Variants in TNFSF4 observed in about 807,000 individuals in gnomAD.
The protein encoded by TNFSF4 is tumor necrosis factor ligand superfamily member 4.
A neutral mutation model predicts 7.3 loss-of-function variants in TNFSF4; 4 were observed. The observed-to-expected ratio is 0.55, with a 90% CI of 0.27 to 1.25. The LOEUF (loss-of-function observed/expected upper bound fraction) is 1.25, where lower values mean the gene tolerates loss of function less well. TNFSF4 is among the 50% of genes most tolerant of loss of function. The pLI, the probability that TNFSF4 is intolerant of heterozygous loss-of-function variation, is 0.12. For missense variants in TNFSF4, 181 were observed against 208.8 expected (o/e 0.87, Z 0.82); for synonymous variants, 76 against 83.7 (o/e 0.91, Z 0.50).
the TNFSF4 span, among the ~76,000 whole-genome samples, chr1:173,394,991 G>C: frequency 4.2e-3 from 415 of 99,458 alleles, no homozygotes; most frequent in African/African-American, 0.019. Flanking sequence ...AGGACACATA[G>C]ATAGATAGAT....
At chr1:173,192,322 C>T (rs146849515) in intron 1 of TNFSF4, among the ~76,000 whole-genome samples, 1 of 152,270 alleles carries the variant, frequency 6.6e-6, no homozygotes, top group African/African-American at 2.4e-5. Context: ...CCAAAACGTC[C>T]TTCAGTAGGT....
At chr1:173,231,279 G>A in the TNFSF4 span, among the ~76,000 whole-genome samples, 3 of 152,190 alleles carry the variant, frequency 2.0e-5, no homozygotes, top group Admixed American at 1.3e-4. Flanking sequence ...TGGGATGCAA[G>A]GCTGGTTCAA....
the TNFSF4 span, among the ~76,000 whole-genome samples, chr1:173,289,638 AT>A: frequency 6.6e-6 from 1 of 152,190 alleles, no homozygotes; most frequent in Non-Finnish European, 1.5e-5. Context: ...TTAACAAACA[AT>A]AAGCTCAAGT....
chr1:173,361,668 T>C, the TNFSF4 span, among the ~76,000 whole-genome samples: 1 of 152,264 alleles, frequency 6.6e-6, no homozygotes, highest in East Asian at 1.9e-4. Flanking sequence ...AACAAAAGTT[T>C]TCATTGTTAA....
the TNFSF4 span, among the ~76,000 whole-genome samples, chr1:173,276,933 G>A: frequency 1.3e-5 from 2 of 152,038 alleles, no homozygotes; most frequent in Admixed American, 6.6e-5. Context: ...TTTCATTTCC[G>A]AGGGCAGTAT....
At chr1:173,267,488 G>GTAAT in the TNFSF4 span, among the ~76,000 whole-genome samples, 2 of 152,164 alleles carry the variant, frequency 1.3e-5, no homozygotes, top group Non-Finnish European at 2.9e-5. Context: ...ATGTGTGATA[G>GTAAT]TAATTACCCA....
At chr1:173,279,548 A>C in the TNFSF4 span, among the ~76,000 whole-genome samples, 2 of 152,078 alleles carry the variant, frequency 1.3e-5, no homozygotes, top group Non-Finnish European at 2.9e-5. Flanking sequence ...CTCAAATATC[A>C]TGGTCCAAAA....
At chr1:173,276,261 G>T in the TNFSF4 span, among the ~76,000 whole-genome samples, 1 of 152,098 alleles carries the variant, frequency 6.6e-6, no homozygotes, top group East Asian at 1.9e-4. Context: ...GCCTGTTTCT[G>T]TAATGCCACT....
chr1:173,338,353 G>A, the TNFSF4 span, among the ~76,000 whole-genome samples: 2 of 152,250 alleles, frequency 1.3e-5, no homozygotes, highest in African/African-American at 2.4e-5. Context: ...CCACTGCCAT[G>A]GTATTTCAAA....
the TNFSF4 span, among the ~76,000 whole-genome samples, chr1:173,272,196 G>A: frequency 2.0e-5 from 3 of 152,174 alleles, no homozygotes; most frequent in East Asian, 3.9e-4. Flanking sequence ...GGGGCCTGTC[G>A]TGGGGTGGTG....
At chr1:173,374,912 T>C in the TNFSF4 span, among the ~76,000 whole-genome samples, 1 of 152,132 alleles carries the variant, frequency 6.6e-6, no homozygotes, top group Non-Finnish European at 1.5e-5. Context: ...TGTACCTCAT[T>C]ATCCTACTAC....
chr1:173,365,221 C>T, the TNFSF4 span, among the ~76,000 whole-genome samples: 1 of 152,090 alleles, frequency 6.6e-6, no homozygotes, highest in African/African-American at 2.4e-5. Flanking sequence ...ATTTTATTAA[C>T]GTTGCTATTT....
the TNFSF4 span, among the ~76,000 whole-genome samples, chr1:173,403,057 G>A: frequency 2.0e-5 from 3 of 152,124 alleles, no homozygotes; most frequent in South Asian, 6.2e-4. Context: ...TCCCTATGTT[G>A]CCCAGGCTAA....
chr1:173,343,092 C>A, the TNFSF4 span, among the ~76,000 whole-genome samples: 1 of 152,198 alleles, frequency 6.6e-6, no homozygotes, highest in Non-Finnish European at 1.5e-5. Context: ...GCATTCCTAT[C>A]TCCCAATCTT....
the TNFSF4 span, among the ~76,000 whole-genome samples, chr1:173,372,575 G>A: frequency 6.6e-6 from 1 of 152,192 alleles, no homozygotes; most frequent in Non-Finnish European, 1.5e-5. Context: ...ACTGTTTACA[G>A]GTAGTTGCAG....
chr1:173,414,641 T>C, the TNFSF4 span, among the ~76,000 whole-genome samples: 17 of 152,196 alleles, frequency 1.1e-4, no homozygotes, highest in Admixed American at 1.1e-3. Flanking sequence ...AAGAAAAGTA[T>C]GGTGTATCAT....
At chr1:173,233,162 A>T in the TNFSF4 span, among the ~76,000 whole-genome samples, 1 of 152,220 alleles carries the variant, frequency 6.6e-6, no homozygotes, top group African/African-American at 2.4e-5. Context: ...AAACCATGGC[A>T]CGAGAACTAC....
the TNFSF4 span, among the ~76,000 whole-genome samples, chr1:173,310,607 C>T: frequency 5.3e-5 from 8 of 151,372 alleles, no homozygotes; most frequent in East Asian, 1.4e-3. Flanking sequence ...TGTTATATAG[C>T]TGTCCTTTAG....
At chr1:173,395,037 T>TAATA in the TNFSF4 span, among the ~76,000 whole-genome samples, 6 of 94,126 alleles carry the variant, frequency 6.4e-5, no homozygotes, top group African/African-American at 1.3e-4. Flanking sequence ...GATAGATAGA[T>TAATA]GATAGATAGA....
Sources: gnomAD v4.1 joint callset for allele counts (sites outside exome capture counted in the v4.1 genomes callset) on GRCh38, gnomAD v4.1.1 for gene constraint, MANE v1.5 for transcripts, NCBI Gene and HGNC (gene_info 2026-07-23, HGNC 2026-07-21) for gene names.